PRUNE2: variants seen among roughly 807,000 people sequenced by gnomAD.
The protein encoded by PRUNE2 is prune homolog 2 with BCH domain, also known as protein prune homolog 2.
Under a neutral mutation model 252.0 loss-of-function variants are expected in PRUNE2, and 164 were observed. The observed-to-expected ratio is 0.65, with a 90% CI of 0.57 to 0.74. The LOEUF (loss-of-function observed/expected upper bound fraction) is 0.74, where lower values mean the gene tolerates loss of function less well. Ranked by LOEUF, PRUNE2 falls within the 30% of genes least tolerant of loss-of-function variation. PRUNE2 has a pLI of 0.00. For synonymous variants in PRUNE2, 1,292 were observed against 1,350.2 expected, an observed-to-expected ratio of 0.96 and a Z score of 0.94; for missense variants, 3,495 against 3,711.0, an observed-to-expected ratio of 0.94 and a Z score of 1.51.
At chr9:76,838,645 C>CAAAAAAA (rs10540002) in intron 4 of PRUNE2, among the ~76,000 whole-genome samples, 49 of 84,640 alleles carry the variant, frequency 5.8e-4, no homozygotes, top group Non-Finnish European at 8.3e-4. Context: ...AACTCTGTCT[C>CAAAAAAA]AAAAAAAAAA....
chr9:76,721,997 CTT>C (rs1430506129), intron 6 of PRUNE2, among the ~76,000 whole-genome samples: 1 of 152,136 alleles, frequency 6.6e-6, no homozygotes, highest in Non-Finnish European at 1.5e-5. Context: ...TTTGTACACT[CTT>C]TAATTGGTAA....
At chr9:76,820,340 A>T (rs1042599073) in intron 6 of PRUNE2, among the ~76,000 whole-genome samples, 88 of 152,266 alleles carry the variant, frequency 5.8e-4, no homozygotes, top group African/African-American at 2.0e-3. Flanking sequence ...ACTACAATAA[A>T]AATGAGAGAC....
intron 6 of PRUNE2, among the ~76,000 whole-genome samples, chr9:76,798,021 A>G (rs1321692703): frequency 6.6e-6 from 1 of 152,218 alleles, no homozygotes; most frequent in Non-Finnish European, 1.5e-5. Flanking sequence ...GAGAAGCACC[A>G]TCAGAAGGGA....
At chr9:76,635,950 C>G (rs1326001855) in intron 15 of PRUNE2, among the ~76,000 whole-genome samples, 1 of 151,962 alleles carries the variant, frequency 6.6e-6, no homozygotes, top group Non-Finnish European at 1.5e-5. Context: ...GAATTGAAAC[C>G]AAGACTCCTC....
chr9:76,709,959 C>T lies in PRUNE2; in HGVS notation c.2315G>A (p.Gly772Asp), dbSNP rs749418546. The change falls in exon 8 of 19, where the codon GGT becomes GAT. Residue 772 changes from glycine (G) to aspartate (D), a missense_variant. Coordinates refer to ENST00000376718, the MANE Select transcript of PRUNE2 (RefSeq NM_015225.3). Reference protein sequence around the residue: ...IEDFASLWHSGRSPTAMPEPW... With the variant: ...IEDFASLWHSDRSPTAMPEPW... ...CTCGGGCATGGCTGTGGGAGAGCGA[C>T]CAGAATGCCACAAAGAAGCAAAGTC... is the stretch of plus-strand genomic sequence containing the variant. 1 of 1,613,688 alleles carries T rather than the reference C, an allele frequency of 6.2e-7. No homozygotes were observed. Among genetic ancestry groups the T allele is most frequent in the East Asian group, 2.2e-5 (1 of 44,858 alleles).
At position 76,703,943 on chromosome 9, in the gene PRUNE2, T is replaced by C; in HGVS notation, c.7670A>G (p.Glu2557Gly). The part of the protein sequence containing the change: ...HMDYILVNRE[E>G]NSHSKPETCE... ...GGTCTCTGGCTTTGAGTGTGAATTT[T>C]CTTCACGGTTTACAAGTATGTAATC... The change falls in exon 9 of 19, where the codon GAA (glutamate) becomes GGA (glycine). Residue 2557 changes from glutamate to glycine, a missense_variant. By Grantham distance (98) the Glu-to-Gly change is moderately conservative (BLOSUM62 -2). Transcript: ENST00000376718. 1.2e-6 allele frequency: 2 copies of C among 1,605,110 alleles called. No individual in the cohort carries two copies. The highest frequency in any genetic ancestry group is 2.2e-5 in the South Asian group (2 of 91,060).
chr9:76,794,529 C>T (rs1198033163), intron 6 of PRUNE2, among the ~76,000 whole-genome samples: 5 of 150,570 alleles, frequency 3.3e-5, no homozygotes, highest in Non-Finnish European at 5.9e-5. Context: ...GCAAGAGAAT[C>T]GCTTGAATCT....
At chr9:76,870,501 C>T (rs918837277) in intron 1 of PRUNE2, among the ~76,000 whole-genome samples, 2 of 151,714 alleles carry the variant, frequency 1.3e-5, no homozygotes, top group Non-Finnish European at 2.9e-5. Flanking sequence ...CTGGCTAACA[C>T]GGTGAAACCC....
chr9:76,823,867 C>T, intron 5 of PRUNE2, 141 bp from the exon 6 acceptor site: 1 of 607,568 alleles, frequency 1.6e-6, no homozygotes. Flanking sequence ...AATAAACACA[C>T]ACACACACAC....
At chr9:76,695,758 CAT>C (rs2045323386) in intron 9 of PRUNE2, among the ~76,000 whole-genome samples, 1 of 152,224 alleles carries the variant, frequency 6.6e-6, no homozygotes, top group African/African-American at 2.4e-5. Context: ...GGGTGTCTAA[CAT>C]GTGGCAGGTG....
intron 9 of PRUNE2, chr9:76,691,944 C>T (rs2044784816): frequency 4.7e-6 from 3 of 641,032 alleles, no homozygotes; most frequent in Non-Finnish European, 8.6e-6. Flanking sequence ...ATTCGGCATC[C>T]TCTCATCCCC....
intron 15 of PRUNE2, among the ~76,000 whole-genome samples, chr9:76,631,583 C>T (rs12347978): frequency 0.01 from 1,531 of 152,308 alleles, 22 homozygotes; most frequent in African/African-American, 0.035. Context: ...ACTTGTCTGC[C>T]CATGTCTGCT....
In PRUNE2 at chr9:76,629,232, T is replaced by C; in HGVS notation, c.9109A>G (p.Ile3037Val). ...GGAATGTGGATGCAATCCATTGGGA[T>C]CAGCCCACTGAGTTCTGATAAGCTA... ...VNSLSELSGL[I>V]PMDCIHIPES... Residue 3037 changes from isoleucine to valine, a missense_variant, in exon 16 of 19, where the codon ATC becomes GTC. Physicochemically the swap from Ile to Val is conservative, Grantham distance 29. Coordinates refer to ENST00000376718, the MANE Select transcript of PRUNE2 (RefSeq NM_015225.3). 6.2e-7 allele frequency: 1 copy of C among 1,606,944 alleles called. No individual in the cohort carries two copies.
At chr9:76,882,774 A>G (rs1349236555) in intron 1 of PRUNE2, among the ~76,000 whole-genome samples, 1 of 152,198 alleles carries the variant, frequency 6.6e-6, no homozygotes, top group Non-Finnish European at 1.5e-5. Context: ...ACCCCCTCCA[A>G]CAATGGGGAT....
chr9:76,788,047 G>T, intron 6 of PRUNE2, among the ~76,000 whole-genome samples: 1 of 152,144 alleles, frequency 6.6e-6, no homozygotes, highest in East Asian at 1.9e-4. Flanking sequence ...CGGCTCAAGA[G>T]TCCCTGACTT....
intron 6 of PRUNE2, among the ~76,000 whole-genome samples, chr9:76,753,693 T>C (rs1458984916): frequency 6.6e-6 from 1 of 152,044 alleles, no homozygotes; most frequent in Non-Finnish European, 1.5e-5. Flanking sequence ...GGCGGGCAGA[T>C]CACGAGGTCA....
In PRUNE2 at chr9:76,693,439, C is replaced by CTTTTTTTTTTT. The variant is rs550030416; in HGVS notation, c.8276+9887_8276+9897dup. ...TGCTTAAGAGATGTTAGCACCTACT[C>CTTTTTTTTTTT]TTTTTTTTTTTTTTTTTTTTTGGAG... On this transcript the variant is annotated intron_variant, in intron 9 of 18. Transcript: ENST00000376718. 2.5e-3 allele frequency among the ~76,000 whole-genome samples: 274 copies of CTTTTTTTTTTT among 108,000 alleles called. 15 individuals are homozygous for CTTTTTTTTTTT. Among genetic ancestry groups the CTTTTTTTTTTT allele is most frequent in the East Asian group, 1.0e-2 (28 of 2,804 alleles). 70.9% of individuals were successfully genotyped at this position (108,000 alleles called of 152,430 possible). A position where few individuals can be genotyped will look rare whatever the true frequency, so the allele number is the denominator to read the frequency against.
chr9:76,894,987 T>C (rs1051925298), intron 1 of PRUNE2, among the ~76,000 whole-genome samples: 2 of 151,906 alleles, frequency 1.3e-5, no homozygotes, highest in Non-Finnish European at 2.9e-5. Context: ...GATGGCTCCA[T>C]TGCACTCCAG....
At chr9:76,732,929 T>C (rs2048758550) in intron 6 of PRUNE2, among the ~76,000 whole-genome samples, 2 of 152,244 alleles carry the variant, frequency 1.3e-5, no homozygotes, top group South Asian at 4.1e-4. Flanking sequence ...CGATTTCTCT[T>C]GGCAAGAGGG....
Sources: allele counts gnomAD v4.1 joint callset (sites outside exome capture counted in the v4.1 genomes callset), GRCh38; gene constraint gnomAD v4.1.1; transcripts MANE v1.5; gene names NCBI Gene and HGNC (gene_info 2026-07-23, HGNC 2026-07-21).